Variants in USP34 observed in about 807,000 individuals in gnomAD.
USP34 encodes ubiquitin specific peptidase 34.
A neutral mutation model predicts 460.3 loss-of-function variants in USP34; 70 were observed. The observed-to-expected ratio is 0.15, with a 90% CI of 0.13 to 0.19. USP34 has a LOEUF of 0.19. Ranked by LOEUF, USP34 falls within the 10% of genes least tolerant of loss-of-function variation. The pLI, the probability that USP34 is intolerant of heterozygous loss-of-function variation, is 1.00. For synonymous variants in USP34, 1,647 were observed against 1,405.3 expected, an observed-to-expected ratio of 1.17 and a Z score of -3.85; for missense variants, 3,985 against 4,236.2, an observed-to-expected ratio of 0.94 and a Z score of 1.65.
intron 29 of USP34, among the ~76,000 whole-genome samples, chr2:61,298,703 C>A (rs1194545504): frequency 1.3e-5 from 2 of 151,752 alleles, no homozygotes; most frequent in African/African-American, 4.8e-5. Flanking sequence ...ATCCTCCACA[C>A]AAACATCTAA....
intron 18 of USP34, among the ~76,000 whole-genome samples, chr2:61,336,461 GAAGT>G (rs1691419581): frequency 6.6e-6 from 1 of 150,874 alleles, no homozygotes; most frequent in Non-Finnish European, 1.5e-5. Flanking sequence ...ACCTATAAAA[GAAGT>G]ATGTACTCAT....
Position 61,190,810 on chromosome 2 carries a change from T to C in USP34, c.9589-152A>G, listed in dbSNP as rs57708821. On this transcript the variant is annotated intron_variant, in intron 76 of 79. Transcript: ENST00000398571. ...TGAAAAGCCATGTCTAACTCACCTA[T>C]TGAATTTTTAGTTAACAGCAACTAT... 597 of 931,950 alleles carry C rather than the reference T, an allele frequency of 6.4e-4. 1 individual carries two copies. The African/African-American group carries it at 9.0e-3, about 14-fold the overall frequency. The allele number at this position is 931,950 out of a possible 1,614,324, so 57.7% of individuals were successfully genotyped here.
At chr2:61,448,873 G>GGCC (rs935468346) in intron 1 of USP34, among the ~76,000 whole-genome samples, 3 of 152,200 alleles carry the variant, frequency 2.0e-5, no homozygotes, top group African/African-American at 7.2e-5. Flanking sequence ...GCAGGCCAGA[G>GGCC]GCCGGATACA....
intron 10 of USP34, among the ~76,000 whole-genome samples, chr2:61,363,354 C>G (rs576875555): frequency 7.2e-5 from 11 of 152,262 alleles, no homozygotes; most frequent in African/African-American, 2.2e-4. Context: ...CATCCTACTC[C>G]TAGGTACACG....
At position 61,190,587 on chromosome 2, in the gene USP34, G is replaced by C; in HGVS notation, c.9660C>G (p.Ile3220Met). 1.9e-6 allele frequency: 3 copies of C among 1,614,036 alleles called. No homozygotes were observed. In the Admixed American group the frequency reaches 5.0e-5, roughly 27 times the overall value. The change falls in exon 77 of 80, where the codon ATC becomes ATG. Residue 3220 changes from isoleucine (I) to methionine (M), a missense_variant. By Grantham distance (10) the Ile-to-Met change is conservative (BLOSUM62 1). Coordinates refer to ENST00000398571, the MANE Select transcript of USP34 (RefSeq NM_014709.4). Reference protein sequence around the residue: ...DPVFAEYIKCILMDERTFLNN... With the variant: ...DPVFAEYIKCMLMDERTFLNN... ...TTAAAAAAGTTCTTTCATCCATTAG[G>C]ATACATTTAATATATTCTGCGAAAA...
At chr2:61,342,999 A>G (rs1048439862) in intron 16 of USP34, among the ~76,000 whole-genome samples, 3 of 152,228 alleles carry the variant, frequency 2.0e-5, no homozygotes, top group African/African-American at 7.2e-5. Context: ...TAACCTAGAC[A>G]GATCATGTAC....
rs771635613 is a variant in USP34, at chr2:61,370,389, A to G, written c.1183T>C (p.Leu395=). The change falls in exon 10 of 80, where the codon TTG becomes CTG. Residue 395 remains leucine, a synonymous_variant. Transcript: ENST00000398571. ...CGCCCTTCTGCTGCCAAAAAATTCA[A>G]AATCACTTGGCACTGTTTGATAATC... ...IEIIKQCQVI[L]NFLAAEGRLS... is the part of the protein sequence containing the mutation. 9.9e-6 allele frequency: 16 copies of G among 1,614,010 alleles called. No individual in the cohort carries two copies. Among genetic ancestry groups the G allele is most frequent in the Non-Finnish European group, 1.4e-5 (16 of 1,179,994 alleles).
At chr2:61,453,263 C>G (rs1178259502) in intron 1 of USP34, among the ~76,000 whole-genome samples, 1 of 151,610 alleles carries the variant, frequency 6.6e-6, no homozygotes, top group Non-Finnish European at 1.5e-5. Context: ...ATACCAAAAA[C>G]ATTAGCCAAG....
At chr2:61,418,537 C>T (rs144750074) in intron 2 of USP34, among the ~76,000 whole-genome samples, 119 of 152,268 alleles carry the variant, frequency 7.8e-4, no homozygotes, top group African/African-American at 2.3e-3. Flanking sequence ...TTTATCTCCA[C>T]GCTAAGGTTC....
intron 8 of USP34, among the ~76,000 whole-genome samples, chr2:61,376,218 A>C (rs1420298567): frequency 6.6e-6 from 1 of 152,222 alleles, no homozygotes; most frequent in Non-Finnish European, 1.5e-5. Context: ...TTTATATGTT[A>C]ATAAAACTGC....
chr2:61,356,222 T>C (rs1692098233), intron 10 of USP34, among the ~76,000 whole-genome samples: 1 of 150,480 alleles, frequency 6.6e-6, no homozygotes, highest in Non-Finnish European at 1.5e-5. Context: ...GCACAGTGGC[T>C]CATGCCTGTA....
At chr2:61,374,223 C>A (rs993837907) in intron 8 of USP34, among the ~76,000 whole-genome samples, 1 of 151,570 alleles carries the variant, frequency 6.6e-6, no homozygotes, top group Non-Finnish European at 1.5e-5. Context: ...TTGCCTGAGG[C>A]CAACCCTTAT....
chr2:61,275,831 T>C (rs1357583825), intron 41 of USP34, among the ~76,000 whole-genome samples: 1 of 152,158 alleles, frequency 6.6e-6, no homozygotes, highest in African/African-American at 2.4e-5. Context: ...TCTGTCAAAA[T>C]TGGGTCTAAT....
At position 61,390,052 on chromosome 2, in the gene USP34, G is replaced by GT. The variant is rs571815380; in HGVS notation, c.753+4800dup. Among the ~76,000 whole-genome samples the GT allele has an allele frequency of 8.4e-4, 128 of 152,192 alleles. 2 individuals are homozygous for GT. The highest frequency in any genetic ancestry group is 2.7e-3 in the African/African-American group (113 of 41,522). The stretch of plus-strand genomic sequence containing the variant: ...TTAAACAGTCTTTGCTAGTATATTT[G>GT]TAAAAAGCAGTCTTAGGACACTGAA... On this transcript the variant is annotated intron_variant, in intron 5 of 79. Coordinates refer to ENST00000398571, the MANE Select transcript of USP34 (RefSeq NM_014709.4).
chr2:61,344,171 G>A, intron 15 of USP34, 142 bp from the exon 16 acceptor site: 2 of 734,562 alleles, frequency 2.7e-6, no homozygotes, highest in Non-Finnish European at 4.4e-6. Flanking sequence ...AATGTTGAGA[G>A]CTTTACGAAA....
chr2:61,369,628 G>A (rs969849351), intron 10 of USP34, among the ~76,000 whole-genome samples: 18 of 71,034 alleles, frequency 2.5e-4, no homozygotes, highest in Non-Finnish European at 4.2e-4. Flanking sequence ...GGGCTACAAA[G>A]CAAGATTCCG....
chr2:61,362,978 A>G (rs1371277838), intron 10 of USP34, among the ~76,000 whole-genome samples: 1 of 152,248 alleles, frequency 6.6e-6, no homozygotes, highest in Non-Finnish European at 1.5e-5. Context: ...TTTAAAAATT[A>G]ACATCCAGAA....
At chr2:61,301,780 T>C (rs1690233172) in intron 27 of USP34, among the ~76,000 whole-genome samples, 5 of 152,218 alleles carry the variant, frequency 3.3e-5, no homozygotes, top group Admixed American at 3.3e-4. Context: ...TCAAGATACT[T>C]ATTTTCTCAC....
Position 61,265,748 on chromosome 2 carries a change from A to C in USP34, c.5618-191T>G, listed in dbSNP as rs1311912154. The C allele has an allele frequency of 9.6e-6, 7 of 731,632 alleles. No homozygotes were observed. In the East Asian group the frequency reaches 2.3e-4, roughly 24 times the overall value. The allele number at this position is 731,632 out of a possible 1,614,324, so 45.3% of individuals were successfully genotyped here. On this transcript the variant is annotated intron_variant, in intron 42 of 79. Transcript: ENST00000398571. ...ATTCTCTAAAAATTCAAGACTTTTA[A>C]AACTTGATTTTACTTGGCCCCAAAT...
Sources: allele counts gnomAD v4.1 joint callset (sites outside exome capture counted in the v4.1 genomes callset), GRCh38; gene constraint gnomAD v4.1.1; transcripts MANE v1.5; gene names NCBI Gene and HGNC (gene_info 2026-07-23, HGNC 2026-07-21).